The following AMPH variants were observed in gnomAD, a reference collection of about 807,000 sequenced individuals.
AMPH encodes amphiphysin.
In AMPH, 49 loss-of-function variants were observed where a neutral mutation model predicts 99.1. The ratio of observed to expected loss-of-function variants is 0.49; its 90% CI spans 0.39 to 0.63. The LOEUF (loss-of-function observed/expected upper bound fraction) is 0.63. AMPH is among the 20% of genes least tolerant of loss of function. AMPH has a pLI of 0.00. For missense variants in AMPH, 759 were observed against 863.4 expected, an observed-to-expected ratio of 0.88 and a Z score of 1.52; for synonymous variants, 314 against 317.3, an observed-to-expected ratio of 0.99 and a Z score of 0.11.
intron 1 of AMPH, among the ~76,000 whole-genome samples, chr7:38,575,215 T>C (rs1388762684): frequency 3.3e-5 from 5 of 152,124 alleles, no homozygotes; most frequent in East Asian, 1.9e-4. Flanking sequence ...ACTGGGGATA[T>C]AGTACCAAAA....
intron 1 of AMPH, among the ~76,000 whole-genome samples, chr7:38,565,720 A>C (rs777406626): frequency 5.1e-4 from 72 of 141,148 alleles, no homozygotes; most frequent in Admixed American, 1.5e-3. Flanking sequence ...GTGGGTGGGG[A>C]GGTCACAATT....
At chr7:38,541,051 C>T (rs1274192151) in intron 1 of AMPH, among the ~76,000 whole-genome samples, 1 of 137,912 alleles carries the variant, frequency 7.3e-6, no homozygotes, top group Non-Finnish European at 1.6e-5. Context: ...AAGAAGAGCA[C>T]ATAAAATAAT....
At chr7:38,432,899 A>G (rs189973733) in intron 12 of AMPH, among the ~76,000 whole-genome samples, 1 of 152,254 alleles carries the variant, frequency 6.6e-6, no homozygotes, top group Non-Finnish European at 1.5e-5. Context: ...TATTTTAATT[A>G]TAAAGCTTAT....
At chr7:38,530,364 T>C (rs965871074) in intron 2 of AMPH, among the ~76,000 whole-genome samples, 1 of 152,162 alleles carries the variant, frequency 6.6e-6, no homozygotes, top group Non-Finnish European at 1.5e-5. Context: ...TTTTGGTTCA[T>C]ATTACACAAA....
chr7:38,420,740 A>G (rs922089634), intron 16 of AMPH, among the ~76,000 whole-genome samples: 5 of 152,100 alleles, frequency 3.3e-5, no homozygotes, highest in African/African-American at 1.2e-4. Context: ...AGTTTCTCCA[A>G]TCCTGAGAGA....
intron 8 of AMPH, 28 bp downstream of exon 8, chr7:38,466,145 A>G (rs775750566): frequency 6.4e-7 from 1 of 1,563,916 alleles, no homozygotes; most frequent in Admixed American, 1.7e-5. Flanking sequence ...TTTATATTCC[A>G]TATGCAAAAA....
chr7:38,460,633 T>C (rs1451391628), intron 11 of AMPH, among the ~76,000 whole-genome samples: 1 of 152,110 alleles, frequency 6.6e-6, no homozygotes, highest in Non-Finnish European at 1.5e-5. Flanking sequence ...TAATAATATA[T>C]GGGAGCTTAG....
intron 1 of AMPH, among the ~76,000 whole-genome samples, chr7:38,605,362 C>G (rs996963918): frequency 6.6e-6 from 1 of 152,156 alleles, no homozygotes; most frequent in African/African-American, 2.4e-5. Context: ...CTAGAACATT[C>G]TGCTGTATAT....
At chr7:38,421,761 G>C (rs1481474022) in intron 16 of AMPH, among the ~76,000 whole-genome samples, 5 of 152,238 alleles carry the variant, frequency 3.3e-5, no homozygotes, top group Admixed American at 3.3e-4. Context: ...ATCCTCTGAA[G>C]TGTAGCAATG....
intron 20 of AMPH, among the ~76,000 whole-genome samples, chr7:38,387,659 T>C (rs1040329017): frequency 1.3e-5 from 2 of 151,284 alleles, no homozygotes; most frequent in Non-Finnish European, 2.9e-5. Flanking sequence ...TAAGTATAAT[T>C]AGAAACCCAG....
chr7:38,587,951 C>CGT (rs1562846542), intron 1 of AMPH, among the ~76,000 whole-genome samples: 5 of 126,650 alleles, frequency 3.9e-5, no homozygotes, highest in African/African-American at 1.5e-4. Flanking sequence ...TGTGTGTGTG[C>CGT]GCGTGTGTGT....
chr7:38,393,480 G>A (rs1784574374), intron 18 of AMPH, among the ~76,000 whole-genome samples: 1 of 152,106 alleles, frequency 6.6e-6, no homozygotes, highest in South Asian at 2.1e-4. Context: ...GCCCCCTCCC[G>A]CCTCATGCAC....
chr7:38,468,663 A>G (rs1787759059), intron 7 of AMPH, among the ~76,000 whole-genome samples: 1 of 152,206 alleles, frequency 6.6e-6, no homozygotes, highest in Non-Finnish European at 1.5e-5. Context: ...GAAGTCAGAG[A>G]TCCTGCAAAG....
At chr7:38,563,682 T>C (rs556011372) in intron 1 of AMPH, among the ~76,000 whole-genome samples, 3 of 152,334 alleles carry the variant, frequency 2.0e-5, no homozygotes, top group Non-Finnish European at 2.9e-5. Flanking sequence ...ATGAATCATA[T>C]TTGAAAACAA....
At chr7:38,483,237 A>T (rs897650344) in intron 5 of AMPH, among the ~76,000 whole-genome samples, 1 of 152,070 alleles carries the variant, frequency 6.6e-6, no homozygotes, top group African/African-American at 2.4e-5. Context: ...GTCTACAGAG[A>T]ATAAACAGAG....
At chr7:38,424,384 T>A (rs12701630) in intron 15 of AMPH, among the ~76,000 whole-genome samples, 9,460 of 152,288 alleles carry the variant, frequency 0.062, 395 homozygotes, top group African/African-American at 0.12. Flanking sequence ...TCAAAATGAT[T>A]ATTAATACCT....
chr7:38,560,200 G>C (rs1265603371), intron 1 of AMPH, among the ~76,000 whole-genome samples: 1 of 152,172 alleles, frequency 6.6e-6, no homozygotes, highest in Admixed American at 6.5e-5. Context: ...GCGGAGGCTT[G>C]AAAAGTCCCT....
intron 6 of AMPH, 92 bp downstream of exon 6, chr7:38,476,770 C>T (rs1276378055): frequency 3.5e-6 from 3 of 857,110 alleles, no homozygotes; most frequent in African/African-American, 1.7e-5. Flanking sequence ...TTCCAATCTC[C>T]TTTTATAGAG....
chr7:38,526,595 C>T (rs929093782), intron 2 of AMPH, among the ~76,000 whole-genome samples: 2 of 151,836 alleles, frequency 1.3e-5, no homozygotes, highest in East Asian at 3.9e-4. Context: ...GGATTTTGCC[C>T]ATTTTCTAAT....
Sources: gnomAD v4.1 joint callset for allele counts (sites outside exome capture counted in the v4.1 genomes callset) on GRCh38, gnomAD v4.1.1 for gene constraint, MANE v1.5 for transcripts, NCBI Gene and HGNC (gene_info 2026-07-23, HGNC 2026-07-21) for gene names.